Variants in HEMK2 observed in about 807,000 individuals in gnomAD.
The protein encoded by HEMK2 is HemK methyltransferase 2, ETF1 glutamine and histone H4 lysine, also known as methyltransferase HEMK2.
the HEMK2 span, among the ~76,000 whole-genome samples, chr21:28,759,823 T>C: frequency 6.6e-6 from 1 of 152,162 alleles, no homozygotes; most frequent in Non-Finnish European, 1.5e-5. Context: ...CCACCATGAT[T>C]GTGAGGCCTC....
chr21:28,578,833 C>A, the HEMK2 span, among the ~76,000 whole-genome samples: 2 of 152,162 alleles, frequency 1.3e-5, no homozygotes, highest in African/African-American at 4.8e-5. Flanking sequence ...AATATTGGGA[C>A]TTAATTTTAG....
At chr21:28,630,950 A>G in the HEMK2 span, among the ~76,000 whole-genome samples, 53 of 152,188 alleles carry the variant, frequency 3.5e-4, no homozygotes, top group African/African-American at 1.3e-3. Flanking sequence ...TTTTAAAAAA[A>G]GAAAGTTAAT....
chr21:28,604,350 A>G, the HEMK2 span, among the ~76,000 whole-genome samples: 1 of 152,158 alleles, frequency 6.6e-6, no homozygotes, highest in Admixed American at 6.5e-5. Context: ...AACATGGCAC[A>G]TGTATACCTA....
chr21:28,883,854 G>A, the HEMK2 span, among the ~76,000 whole-genome samples: 309 of 152,238 alleles, frequency 2.0e-3, 2 homozygotes, highest in African/African-American at 7.2e-3. Context: ...CTCCCAAGTA[G>A]TTAGGACTAT....
chr21:28,868,273 CTT>C, the HEMK2 span, among the ~76,000 whole-genome samples: 1 of 152,124 alleles, frequency 6.6e-6, no homozygotes, highest in Non-Finnish European at 1.5e-5. Context: ...ATGAAAAACA[CTT>C]TTGAGATTTT....
chr21:28,850,154 A>G, the HEMK2 span, among the ~76,000 whole-genome samples: 1 of 152,008 alleles, frequency 6.6e-6, no homozygotes, highest in African/African-American at 2.4e-5. Context: ...TGTCAGATGA[A>G]CAGCCAGCTT....
At chr21:28,593,027 A>C in the HEMK2 span, among the ~76,000 whole-genome samples, 2 of 152,126 alleles carry the variant, frequency 1.3e-5, no homozygotes. Context: ...TCATGTAAAA[A>C]AATTATTAAA....
the HEMK2 span, among the ~76,000 whole-genome samples, chr21:28,880,906 C>G: frequency 7.9e-6 from 1 of 126,604 alleles, no homozygotes; most frequent in South Asian, 2.4e-4. Flanking sequence ...TTAATTCCTT[C>G]TAAGCTACAA....
At chr21:28,586,900 C>T in the HEMK2 span, among the ~76,000 whole-genome samples, 1 of 152,126 alleles carries the variant, frequency 6.6e-6, no homozygotes, top group Non-Finnish European at 1.5e-5. Flanking sequence ...GCCCTTATGA[C>T]CTAATCACCT....
the HEMK2 span, among the ~76,000 whole-genome samples, chr21:28,631,589 A>C: frequency 5.3e-5 from 8 of 152,200 alleles, no homozygotes; most frequent in African/African-American, 1.9e-4. Flanking sequence ...AAAAAATGGC[A>C]TATGTACATC....
At chr21:28,877,022 A>AGGAG in the HEMK2 span, among the ~76,000 whole-genome samples, 1 of 33,850 alleles carries the variant, frequency 3.0e-5, no homozygotes, top group Non-Finnish European at 6.6e-5. Context: ...GAAGGAAGGA[A>AGGAG]GGAAGGAAGG....
chr21:28,697,052 C>G, the HEMK2 span, among the ~76,000 whole-genome samples: 1 of 152,144 alleles, frequency 6.6e-6, no homozygotes, highest in Admixed American at 6.5e-5. Flanking sequence ...AGGTGAAGAG[C>G]TGCTATGAAA....
the HEMK2 span, chr21:28,885,287 C>A: frequency 6.3e-7 from 1 of 1,592,984 alleles, no homozygotes; most frequent in Non-Finnish European, 8.6e-7. Context: ...GTACACGTCG[C>A]TGAAGGCGCC....
At chr21:28,613,619 C>CTTTTTTTTTTTTTTTTTTTTTTTTTT in the HEMK2 span, among the ~76,000 whole-genome samples, 2 of 82,700 alleles carry the variant, frequency 2.4e-5, no homozygotes, top group Non-Finnish European at 4.3e-5. Flanking sequence ...TCTGCATATT[C>CTTTTTTTTTTTTTTTTTTTTTTTTTT]TTTTTTTTTT....
At chr21:28,671,063 G>T in the HEMK2 span, 1 of 152,204 alleles carries the variant, frequency 6.6e-6, no homozygotes. Flanking sequence ...GGGCTTTTGG[G>T]CTTAATGGGA....
chr21:28,691,567 C>T, the HEMK2 span, among the ~76,000 whole-genome samples: 8 of 152,186 alleles, frequency 5.3e-5, no homozygotes, highest in African/African-American at 1.2e-4. Context: ...ACATATACTG[C>T]CCCCGAGCCT....
chr21:28,698,231 C>T, the HEMK2 span, among the ~76,000 whole-genome samples: 1 of 152,322 alleles, frequency 6.6e-6, no homozygotes, highest in East Asian at 1.9e-4. Context: ...CTGGAGCCAA[C>T]TGTGTTTGAA....
At chr21:28,667,589 T>C in the HEMK2 span, among the ~76,000 whole-genome samples, 6 of 145,134 alleles carry the variant, frequency 4.1e-5, no homozygotes, top group Non-Finnish European at 7.6e-5. Flanking sequence ...CATTGCATCA[T>C]TGCATGCCTC....
the HEMK2 span, among the ~76,000 whole-genome samples, chr21:28,767,887 G>A: frequency 6.6e-6 from 1 of 151,982 alleles, no homozygotes; most frequent in Non-Finnish European, 1.5e-5. Flanking sequence ...GGCAAGTCCT[G>A]TGAGAACTCT....
Sources: gnomAD v4.1 joint callset for allele counts (sites outside exome capture counted in the v4.1 genomes callset) on GRCh38, gnomAD v4.1.1 for gene constraint, MANE v1.5 for transcripts, NCBI Gene and HGNC (gene_info 2026-07-23, HGNC 2026-07-21) for gene names.